Variants in GUCY1A2 observed in about 807,000 individuals in gnomAD.
The protein encoded by GUCY1A2 is guanylate cyclase soluble subunit alpha-2.
In GUCY1A2, 27 loss-of-function variants were observed where a neutral mutation model predicts 63.5. The ratio of observed to expected loss-of-function variants is 0.43; its 90% CI spans 0.31 to 0.59. GUCY1A2 has a LOEUF of 0.59. GUCY1A2 is among the 20% of genes least tolerant of loss of function. GUCY1A2 has a pLI of 0.11. For synonymous variants in GUCY1A2, 364 were observed against 343.5 expected (o/e 1.06, Z -0.66); for missense variants, 768 against 913.3 (o/e 0.84, Z 2.05).
intron 4 of GUCY1A2, among the ~76,000 whole-genome samples, chr11:106,867,909 A>T (rs530804874): frequency 6.6e-6 from 1 of 152,114 alleles, no homozygotes; most frequent in East Asian, 1.9e-4. Flanking sequence ...CTGCATATGG[A>T]ATGACATTTG....
In GUCY1A2 at chr11:106,750,511, C is replaced by G. The variant is rs556593177; in HGVS notation, c.1836+25928G>C. Among the ~76,000 whole-genome samples, 23 of 152,142 alleles carry G rather than the reference C, an allele frequency of 1.5e-4. No homozygotes were observed. The South Asian group carries it at 3.7e-3, about 25-fold the overall frequency. Reference sequence around the variant, plus strand: ...ACAAAATATTGAATATTTTCATGAGCTATTACAAAGCTAAAATTTTAAATT... The same window carrying G: ...ACAAAATATTGAATATTTTCATGAGGTATTACAAAGCTAAAATTTTAAATT... On this transcript the variant is annotated intron_variant, in intron 6 of 7. Coordinates refer to ENST00000526355, the MANE Select transcript of GUCY1A2 (RefSeq NM_000855.3).
intron 4 of GUCY1A2, among the ~76,000 whole-genome samples, chr11:106,852,152 T>C (rs1336022765): frequency 2.0e-5 from 3 of 151,998 alleles, no homozygotes; most frequent in Non-Finnish European, 4.4e-5. Context: ...TAGTTCATTA[T>C]TGGTGCGTAG....
chr11:106,777,644 C>CACAGGG (rs1000186415), intron 5 of GUCY1A2, among the ~76,000 whole-genome samples: 1 of 134,652 alleles, frequency 7.4e-6, no homozygotes, highest in Admixed American at 8.8e-5. Flanking sequence ...AACATGTGGA[C>CACAGGG]ACAGGGACAG....
chr11:107,000,046 A>G (rs1349434890), intron 1 of GUCY1A2, among the ~76,000 whole-genome samples: 1 of 152,222 alleles, frequency 6.6e-6, no homozygotes, highest in Non-Finnish European at 1.5e-5. Context: ...CACAATTCAT[A>G]TAGTTAGCCA....
At chr11:106,868,372 C>A (rs574533063) in intron 4 of GUCY1A2, among the ~76,000 whole-genome samples, 2 of 151,986 alleles carry the variant, frequency 1.3e-5, no homozygotes, top group Non-Finnish European at 2.9e-5. Flanking sequence ...GTCTCAGCCC[C>A]AAATCTCCTT....
At chr11:106,982,570 G>T (rs1436383698) in intron 2 of GUCY1A2, among the ~76,000 whole-genome samples, 1 of 152,164 alleles carries the variant, frequency 6.6e-6, no homozygotes. Context: ...AACCTGACAC[G>T]ATTGGAGTTT....
At chr11:106,704,100 CT>C (rs1862864809) in intron 7 of GUCY1A2, among the ~76,000 whole-genome samples, 1 of 152,032 alleles carries the variant, frequency 6.6e-6, no homozygotes, top group Non-Finnish European at 1.5e-5. Context: ...CAAAATGCAC[CT>C]TTGACCAAAT....
At chr11:106,987,519 G>C (rs891288269) in intron 1 of GUCY1A2, among the ~76,000 whole-genome samples, 12 of 152,114 alleles carry the variant, frequency 7.9e-5, no homozygotes, top group Non-Finnish European at 1.8e-4. Context: ...GAGCATGGTG[G>C]TACATGCCTG....
intron 4 of GUCY1A2, among the ~76,000 whole-genome samples, chr11:106,897,368 G>T (rs1256058520): frequency 6.6e-6 from 1 of 151,956 alleles, no homozygotes; most frequent in African/African-American, 2.4e-5. Flanking sequence ...CATGAAGTAG[G>T]CAAAATACTT....
intron 1 of GUCY1A2, 43 bp downstream of exon 1, chr11:107,017,710 T>C (rs768913631): frequency 9.7e-5 from 116 of 1,196,696 alleles, no homozygotes; most frequent in Non-Finnish European, 2.5e-5. Flanking sequence ...CAGATCCGCG[T>C]TCTCTCCCCC....
At chr11:106,959,858 C>G (rs899979476) in intron 3 of GUCY1A2, among the ~76,000 whole-genome samples, 4 of 152,170 alleles carry the variant, frequency 2.6e-5, no homozygotes, top group Admixed American at 2.6e-4. Context: ...TGAGAATGAC[C>G]CAAAAGGCAG....
intron 4 of GUCY1A2, among the ~76,000 whole-genome samples, chr11:106,906,116 T>G (rs187481004): frequency 6.6e-6 from 1 of 152,202 alleles, no homozygotes; most frequent in East Asian, 1.9e-4. Context: ...ACTAAAGAGA[T>G]TCTGTGCAGC....
At chr11:106,725,849 T>C (rs994177899) in intron 6 of GUCY1A2, among the ~76,000 whole-genome samples, 4 of 152,218 alleles carry the variant, frequency 2.6e-5, no homozygotes, top group South Asian at 2.1e-4. Flanking sequence ...CAGTGGACTC[T>C]AGTTTCTTAC....
chr11:106,734,508 G>GA (rs1388026001), intron 6 of GUCY1A2, among the ~76,000 whole-genome samples: 1 of 151,930 alleles, frequency 6.6e-6, no homozygotes, highest in Non-Finnish European at 1.5e-5. Context: ...GTACCACCAG[G>GA]AAAAAATTAA....
chr11:106,789,465 T>C (rs898326257), intron 5 of GUCY1A2, among the ~76,000 whole-genome samples: 1 of 152,236 alleles, frequency 6.6e-6, no homozygotes, highest in Non-Finnish European at 1.5e-5. Context: ...CACATATCTC[T>C]GTTTCTCCAG....
chr11:106,793,414 G>T (rs895878422), intron 5 of GUCY1A2, among the ~76,000 whole-genome samples: 1 of 152,002 alleles, frequency 6.6e-6, no homozygotes, highest in African/African-American at 2.4e-5. Context: ...AAAACATAAG[G>T]ACAAAGCTCT....
intron 2 of GUCY1A2, among the ~76,000 whole-genome samples, chr11:106,980,752 T>C (rs1861324035): frequency 6.6e-6 from 1 of 152,230 alleles, no homozygotes; most frequent in Non-Finnish European, 1.5e-5. Flanking sequence ...AAAGGTTTCA[T>C]GTTTGTACAC....
chr11:106,937,309 T>G (rs1230053311), intron 4 of GUCY1A2, among the ~76,000 whole-genome samples: 1 of 152,218 alleles, frequency 6.6e-6, no homozygotes, highest in Non-Finnish European at 1.5e-5. Flanking sequence ...CAGGGGGCCT[T>G]GACATTTGAG....
In GUCY1A2 at chr11:106,685,088, A is replaced by C. The variant is rs1199757105; in HGVS notation, c.*2461T>G. The stretch of plus-strand genomic sequence containing the variant: ...GATTAGCAAAATGATAACAAATTGG[A>C]CCATTATCTCGGACTATAGCTGTGA... On this transcript the variant is annotated 3_prime_UTR_variant, in exon 8 of 8. Transcript: ENST00000526355. 4.8e-6 allele frequency: 1 copy of C among 207,918 alleles called. No individual in the cohort carries two copies. The highest frequency in any genetic ancestry group is 2.3e-5 in the African/African-American group (1 of 43,902). 12.9% of individuals were successfully genotyped at this position (207,918 alleles called of 1,614,324 possible).
Sources: allele counts gnomAD v4.1 joint callset (sites outside exome capture counted in the v4.1 genomes callset), GRCh38; gene constraint gnomAD v4.1.1; transcripts MANE v1.5; gene names NCBI Gene and HGNC (gene_info 2026-07-23, HGNC 2026-07-21).